Variants in KHDRBS2 observed in about 807,000 individuals in gnomAD.
The protein encoded by KHDRBS2 is KH RNA binding domain containing, signal transduction associated 2, also known as KH domain-containing, RNA-binding, signal transduction-associated protein 2.
A neutral mutation model predicts 44.3 loss-of-function variants in KHDRBS2; 26 were observed. The ratio of observed to expected loss-of-function variants is 0.59; its 90% CI spans 0.43 to 0.81. The LOEUF (loss-of-function observed/expected upper bound fraction) is 0.81. Among genes scored for constraint, KHDRBS2 ranks in the 40% least tolerant of loss-of-function variants. KHDRBS2 has a pLI of 0.00. For missense variants in KHDRBS2, 476 were observed against 433.1 expected (o/e 1.10, Z -0.88); for synonymous variants, 194 against 151.1 (o/e 1.28, Z -2.08).
chr6:61,986,329 C>T (rs1199774450), intron 3 of KHDRBS2, among the ~76,000 whole-genome samples: 3 of 152,088 alleles, frequency 2.0e-5, no homozygotes, highest in African/African-American at 4.8e-5. Flanking sequence ...TATGCCAAAG[C>T]CACACTTTTA....
chr6:61,599,709 G>A, the KHDRBS2 span, among the ~76,000 whole-genome samples: 1 of 152,146 alleles, frequency 6.6e-6, no homozygotes, highest in Non-Finnish European at 1.5e-5. Context: ...TCATGGATGG[G>A]ATTTCTTATA....
the KHDRBS2 span, among the ~76,000 whole-genome samples, chr6:61,655,221 T>TAC: frequency 9.1e-4 from 102 of 112,268 alleles, 1 homozygote; most frequent in South Asian, 0.022. Context: ...AATACATACA[T>TAC]ACATACACAC....
chr6:61,938,384 T>A (rs1476599449), intron 4 of KHDRBS2, among the ~76,000 whole-genome samples: 1 of 152,138 alleles, frequency 6.6e-6, no homozygotes. Flanking sequence ...AAACAGGATA[T>A]GCTATAAAGA....
intron 2 of KHDRBS2, among the ~76,000 whole-genome samples, chr6:62,078,907 C>A (rs1181884617): frequency 6.6e-6 from 1 of 152,024 alleles, no homozygotes. Context: ...AAGACTTGCT[C>A]TTAGAGAAGT....
intron 5 of KHDRBS2, among the ~76,000 whole-genome samples, chr6:61,900,700 G>A (rs1269528468): frequency 6.6e-6 from 1 of 152,104 alleles, no homozygotes; most frequent in African/African-American, 2.4e-5. Flanking sequence ...TGGGCTGATG[G>A]CATATATGTT....
intron 3 of KHDRBS2, among the ~76,000 whole-genome samples, chr6:61,992,439 C>G (rs1252552077): frequency 6.6e-6 from 1 of 152,128 alleles, no homozygotes; most frequent in Non-Finnish European, 1.5e-5. Context: ...CTCAGCAATG[C>G]AGAAGTGATT....
At chr6:61,631,335 A>AAAAAAAAAAAAAAAAAG in the KHDRBS2 span, among the ~76,000 whole-genome samples, 7 of 104,730 alleles carry the variant, frequency 6.7e-5, 1 homozygote, top group African/African-American at 2.0e-4. Flanking sequence ...AAAAAAAAAA[A>AAAAAAAAAAAAAAAAAG]AAGACAATAC....
At chr6:61,544,880 T>C in the KHDRBS2 span, among the ~76,000 whole-genome samples, 1 of 151,912 alleles carries the variant, frequency 6.6e-6, no homozygotes, top group Admixed American at 6.6e-5. Flanking sequence ...AATTGAACAA[T>C]GAGAACACAT....
Position 62,034,025 on chromosome 6 carries a change from C to G in KHDRBS2, c.336+13853G>C, listed in dbSNP as rs1584274601. ...CAGAAATTCAAAGGATCATTTGTGG[C>G]TATTAAGAGCAACTATATGCCAATA... is the stretch of plus-strand genomic sequence containing the variant. On this transcript the variant is annotated intron_variant, in intron 3 of 8. Transcript: ENST00000281156. Among the ~76,000 whole-genome samples, 15 of 151,472 alleles carry G rather than the reference C, an allele frequency of 9.9e-5. 1 individual carries two copies. In the South Asian group the frequency reaches 2.9e-3, roughly 29 times the overall value.
chr6:61,858,905 G>T (rs879877383), intron 6 of KHDRBS2, among the ~76,000 whole-genome samples: 20 of 151,690 alleles, frequency 1.3e-4, no homozygotes, highest in Non-Finnish European at 2.2e-4. Flanking sequence ...TCAACTTATT[G>T]TATAGTTGTA....
intron 2 of KHDRBS2, among the ~76,000 whole-genome samples, chr6:62,152,524 CAAGA>C (rs1815434876): frequency 6.6e-6 from 1 of 152,196 alleles, no homozygotes; most frequent in Middle Eastern, 3.4e-3. Context: ...CACTGACTCT[CAAGA>C]AAGAATATAA....
At chr6:61,561,350 C>A in the KHDRBS2 span, among the ~76,000 whole-genome samples, 1 of 152,104 alleles carries the variant, frequency 6.6e-6, no homozygotes, top group African/African-American at 2.4e-5. Context: ...TTACCCAAAG[C>A]CCACTGTATC....
the KHDRBS2 span, among the ~76,000 whole-genome samples, chr6:61,570,363 C>A: frequency 6.6e-6 from 1 of 151,614 alleles, no homozygotes; most frequent in African/African-American, 2.4e-5. Flanking sequence ...GCCAGTCAGA[C>A]AAAAACAAAG....
chr6:61,788,717 T>C (rs879676152), intron 6 of KHDRBS2, among the ~76,000 whole-genome samples: 5 of 151,208 alleles, frequency 3.3e-5, no homozygotes, highest in Non-Finnish European at 7.4e-5. Flanking sequence ...AGAATGCTGA[T>C]TATAGGAGAA....
At chr6:61,885,343 G>A (rs1800795866) in intron 6 of KHDRBS2, among the ~76,000 whole-genome samples, 2 of 151,996 alleles carry the variant, frequency 1.3e-5, no homozygotes, top group Non-Finnish European at 2.9e-5. Context: ...TCTGATATTT[G>A]GGGAAACTTC....
chr6:61,877,174 G>T (rs1372374832), intron 6 of KHDRBS2, among the ~76,000 whole-genome samples: 1 of 151,934 alleles, frequency 6.6e-6, no homozygotes, highest in Admixed American at 6.6e-5. Flanking sequence ...TATAGGCAAA[G>T]ATTGTTGACC....
intron 1 of KHDRBS2, among the ~76,000 whole-genome samples, chr6:62,277,593 C>T (rs1296957702): frequency 6.6e-6 from 1 of 152,130 alleles, no homozygotes; most frequent in Non-Finnish European, 1.5e-5. Context: ...CCACCTGCCT[C>T]GGCCTCCCAA....
the KHDRBS2 span, among the ~76,000 whole-genome samples, chr6:61,622,779 C>A: frequency 1.5e-3 from 222 of 152,152 alleles, 3 homozygotes; most frequent in African/African-American, 5.1e-3. Flanking sequence ...GAATACACAC[C>A]ATTCATTGAG....
intron 2 of KHDRBS2, among the ~76,000 whole-genome samples, chr6:62,052,672 C>T (rs1287250877): frequency 6.6e-6 from 1 of 151,766 alleles, no homozygotes; most frequent in African/African-American, 2.4e-5. Context: ...AAACTGTCCA[C>T]CTCAGATCAT....
Sources: gnomAD v4.1 joint callset for allele counts (sites outside exome capture counted in the v4.1 genomes callset) on GRCh38, gnomAD v4.1.1 for gene constraint, MANE v1.5 for transcripts, NCBI Gene and HGNC (gene_info 2026-07-23, HGNC 2026-07-21) for gene names.